TJP1: variants seen among roughly 807,000 people sequenced by gnomAD.
TJP1 encodes the protein tight junction protein 1.
Under a neutral mutation model 194.2 loss-of-function variants are expected in TJP1, and 43 were observed. That is an observed-to-expected ratio of 0.22 (90% CI 0.17 to 0.29). TJP1 has a LOEUF of 0.29. Ranked by LOEUF, TJP1 falls within the 10% of genes least tolerant of loss-of-function variation. The pLI, the probability that TJP1 is intolerant of heterozygous loss-of-function variation, is 1.00. For synonymous variants in TJP1, 801 were observed against 779.0 expected (o/e 1.03, Z -0.47); for missense variants, 1,971 against 2,185.7 (o/e 0.90, Z 1.96).
chr15:29,943,388 G>C (rs2055152726), intron 2 of TJP1, among the ~76,000 whole-genome samples: 1 of 152,178 alleles, frequency 6.6e-6, no homozygotes, highest in Non-Finnish European at 1.5e-5. Flanking sequence ...CCAGCACTTT[G>C]GGAGGCCGAG....
chr15:29,852,802 G>A (rs1029937269), intron 2 of TJP1, among the ~76,000 whole-genome samples: 1 of 152,008 alleles, frequency 6.6e-6, no homozygotes, highest in African/African-American at 2.4e-5. Flanking sequence ...TACTCGGGAG[G>A]CTGAGGCAGG....
chr15:29,908,029 G>A (rs2053875780), intron 2 of TJP1, among the ~76,000 whole-genome samples: 1 of 38,890 alleles, frequency 2.6e-5, no homozygotes, highest in South Asian at 8.7e-4. Context: ...AGATAAAGTT[G>A]AGAAATTACC....
At chr15:29,947,785 G>A (rs2055334410) in intron 2 of TJP1, among the ~76,000 whole-genome samples, 1 of 152,168 alleles carries the variant, frequency 6.6e-6, no homozygotes, top group Admixed American at 6.5e-5. Flanking sequence ...CAGCATGTGA[G>A]GGCAGAGTCA....
chr15:29,778,366 T>C (rs1040588334), intron 2 of TJP1, among the ~76,000 whole-genome samples: 11 of 152,194 alleles, frequency 7.2e-5, no homozygotes, highest in Admixed American at 7.2e-4. Context: ...GTGATTCTAA[T>C]GAGCAGCCAG....
At chr15:29,751,422 G>GAC in intron 8 of TJP1, among the ~76,000 whole-genome samples, 1 of 152,226 alleles carries the variant, frequency 6.6e-6, no homozygotes, top group Non-Finnish European at 1.5e-5. Flanking sequence ...GTATGTGTTT[G>GAC]TGGAGCTTAT....
At chr15:29,950,753 C>T (rs1208308487) in intron 2 of TJP1, among the ~76,000 whole-genome samples, 2 of 152,152 alleles carry the variant, frequency 1.3e-5, no homozygotes, top group Admixed American at 6.5e-5. Context: ...ACCAGCCAGG[C>T]GCCCATGGTG....
chr15:29,788,310 T>C (rs2047836952), intron 2 of TJP1, among the ~76,000 whole-genome samples: 1 of 152,218 alleles, frequency 6.6e-6, no homozygotes, highest in African/African-American at 2.4e-5. Context: ...TTTCTAATTT[T>C]GATGGGGTCC....
At position 29,730,988 on chromosome 15, in the gene TJP1, T is replaced by G. The variant is rs2151238635; in HGVS notation, c.2017+1445A>C. 5 of 1,299,140 alleles carry G rather than the reference T, an allele frequency of 3.8e-6. No homozygotes were observed. In the South Asian group the frequency reaches 5.9e-5, roughly 15 times the overall value. The allele number at this position is 1,299,140 out of a possible 1,614,324, so 80.5% of individuals were successfully genotyped here. ...AAGGTGCTGGAGATGCCAAGTGAAG[T>G]GTGTGCATTTTTGATAACTGTGTAT... On this transcript the variant is annotated intron_variant, in intron 15 of 27. Transcript: ENST00000614355.
intron 8 of TJP1, among the ~76,000 whole-genome samples, chr15:29,758,687 G>T (rs2045805234): frequency 6.6e-6 from 1 of 152,138 alleles, no homozygotes; most frequent in African/African-American, 2.4e-5. Context: ...ATCATCAAAG[G>T]TGCTATATCA....
chr15:29,875,654 C>T (rs2052671336), intron 2 of TJP1, among the ~76,000 whole-genome samples: 1 of 152,188 alleles, frequency 6.6e-6, no homozygotes, highest in Admixed American at 6.5e-5. Flanking sequence ...GCAACCTCCA[C>T]CTCCCGGGTT....
At chr15:29,906,922 G>A (rs2053834384) in intron 2 of TJP1, among the ~76,000 whole-genome samples, 2 of 151,960 alleles carry the variant, frequency 1.3e-5, no homozygotes, top group African/African-American at 2.4e-5. Context: ...GACATGTGAT[G>A]TACTATTAAC....
At chr15:29,893,100 A>G (rs984594135) in intron 2 of TJP1, among the ~76,000 whole-genome samples, 65 of 152,154 alleles carry the variant, frequency 4.3e-4, no homozygotes, top group African/African-American at 1.3e-3. Flanking sequence ...ATTGATTCCA[A>G]CCCTCATAGA....
At chr15:29,736,966 T>C (rs1365818713) in intron 11 of TJP1, among the ~76,000 whole-genome samples, 1 of 152,248 alleles carries the variant, frequency 6.6e-6, no homozygotes, top group Non-Finnish European at 1.5e-5. Context: ...TGGTAGATAT[T>C]ATCATCGGGA....
At chr15:29,888,103 T>A (rs1358379588) in intron 2 of TJP1, among the ~76,000 whole-genome samples, 1 of 152,166 alleles carries the variant, frequency 6.6e-6, no homozygotes, top group Non-Finnish European at 1.5e-5. Context: ...TTAGAGTGTA[T>A]AATAGTATTT....
intron 2 of TJP1, among the ~76,000 whole-genome samples, chr15:29,782,762 T>A (rs1490652347): frequency 6.6e-6 from 1 of 151,712 alleles, no homozygotes; most frequent in African/African-American, 2.4e-5. Flanking sequence ...ACAGACAACC[T>A]ACAGAATATG....
At chr15:29,864,237 C>CAAA (rs397975539) in intron 2 of TJP1, among the ~76,000 whole-genome samples, 4,861 of 18,912 alleles carry the variant, frequency 0.26, 787 homozygotes, top group Non-Finnish European at 0.34. Flanking sequence ...ACTAAAAATA[C>CAAA]AAAAAAAAAA....
chr15:29,749,093 G>A (rs775227356), intron 8 of TJP1, among the ~76,000 whole-genome samples: 2 of 151,662 alleles, frequency 1.3e-5, no homozygotes, highest in Admixed American at 6.6e-5. Flanking sequence ...GGTACCTCAA[G>A]ATCCTCTTAT....
At chr15:29,949,790 A>T (rs372687327) in intron 2 of TJP1, among the ~76,000 whole-genome samples, 110 of 69,570 alleles carry the variant, frequency 1.6e-3, no homozygotes, top group East Asian at 6.2e-3. Flanking sequence ...CACCACCACC[A>T]CCTCCACCAC....
chr15:29,753,410 G>A (rs2045419253), intron 8 of TJP1, among the ~76,000 whole-genome samples: 1 of 151,026 alleles, frequency 6.6e-6, no homozygotes, highest in Non-Finnish European at 1.5e-5. Flanking sequence ...CGTGAACCTG[G>A]GAGGCGGAGC....
Sources: gnomAD v4.1 joint callset for allele counts (sites outside exome capture counted in the v4.1 genomes callset) on GRCh38, gnomAD v4.1.1 for gene constraint, MANE v1.5 for transcripts, NCBI Gene and HGNC (gene_info 2026-07-23, HGNC 2026-07-21) for gene names.